Variants in PELP1 observed in about 807,000 individuals in gnomAD.
The protein encoded by PELP1 is proline, glutamate and leucine rich protein 1, also known as proline-, glutamic acid- and leucine-rich protein 1.
Under a neutral mutation model 95.5 loss-of-function variants are expected in PELP1, and 32 were observed. The ratio of observed to expected loss-of-function variants is 0.34; its 90% CI spans 0.25 to 0.45. PELP1 has a LOEUF of 0.45. Ranked by LOEUF, PELP1 falls within the 20% of genes least tolerant of loss-of-function variation. PELP1 has a pLI of 1.00. For missense variants in PELP1, 1,358 were observed against 1,444.8 expected, an observed-to-expected ratio of 0.94 and a Z score of 0.97; for synonymous variants, 668 against 600.1, an observed-to-expected ratio of 1.11 and a Z score of -1.65.
intron 3 of PELP1, among the ~76,000 whole-genome samples, chr17:4,684,128 C>G (rs1300107585): frequency 6.6e-6 from 1 of 152,066 alleles, no homozygotes; most frequent in Non-Finnish European, 1.5e-5. Flanking sequence ...TAATATGTAT[C>G]TAAGGAAAAA....
At chr17:4,700,695 C>T (rs1005928753) in intron 1 of PELP1, among the ~76,000 whole-genome samples, 1 of 151,772 alleles carries the variant, frequency 6.6e-6, no homozygotes, top group African/African-American at 2.4e-5. Context: ...GGGGCCAAGG[C>T]GGGAGTATCA....
rs201455361 is a variant in PELP1 at position 4,672,138 on chromosome 17, C to T, written c.2853G>A (p.Glu951=). ...ELEEEEEEED[E]EEEEELEEVE... is the part of the protein sequence containing the mutation. ...CCTCTTCCAGTTCTTCTTCCTCCTC[C>T]TCATCCTCCTCTTCTTCTTCTTCCT... The change falls in exon 16 of 17, where the codon GAG becomes GAA. Residue 951 remains glutamate (E), a synonymous_variant. Coordinates refer to ENST00000572293, the MANE Select transcript of PELP1 (RefSeq NM_014389.3). 2 of 1,552,302 alleles carry T rather than the reference C, an allele frequency of 1.3e-6. No individual in the cohort carries two copies. Among genetic ancestry groups the T allele is most frequent in the Non-Finnish European group, 8.7e-7 (1 of 1,147,440 alleles).
intron 1 of PELP1, among the ~76,000 whole-genome samples, chr17:4,697,894 GA>G (rs912810192): frequency 5.0e-4 from 71 of 142,152 alleles, no homozygotes; most frequent in Admixed American, 8.5e-4. Context: ...ACTACAAATG[GA>G]AAAAAAAAAA....
chr17:4,675,787 TC>T lies in PELP1; in HGVS notation c.1068+9del. On this transcript the variant is annotated intron_variant, in intron 9 of 16. Transcript: ENST00000572293. This position sits in a 1 kb window ranked among gnomAD's most constrained non-coding sequence, Gnocchi z 4.3. ...GCAAGGGCTCTGAAGAGATGACAAATCCCACTTACAATATTCTTGCTACTGA... is the reference window on the plus strand; with the variant it reads ...GCAAGGGCTCTGAAGAGATGACAAATCCACTTACAATATTCTTGCTACTGA... The T allele has an allele frequency of 6.4e-7, 1 of 1,553,212 alleles. No individual in the cohort carries two copies.
At chr17:4,696,447 G>A (rs1395704608) in intron 1 of PELP1, among the ~76,000 whole-genome samples, 2 of 152,206 alleles carry the variant, frequency 1.3e-5, no homozygotes, top group Non-Finnish European at 2.9e-5. Context: ...GTGGAGAGGA[G>A]TAACCAATGA....
In PELP1 at chr17:4,676,711, G is replaced by A. The variant is rs779008698; in HGVS notation, c.702+42C>T. 153 of 1,514,488 alleles carry A rather than the reference G, an allele frequency of 1.0e-4. 1 individual carries two copies. The highest frequency in any genetic ancestry group is 1.3e-4 in the Non-Finnish European group (147 of 1,112,242). The allele number at this position is 1,514,488 out of a possible 1,614,324, so 93.8% of individuals were successfully genotyped here. On this transcript the variant is annotated intron_variant, in intron 6 of 16. Transcript: ENST00000572293. ...GGAGGAGCAGCAAGAGACAATCCAG[G>A]CTCAGATCCCCGGGCTCTCCCTCTC...
intron 2 of PELP1, 33 bp downstream of exon 2, chr17:4,691,345 G>A (rs761341125): frequency 1.1e-5 from 16 of 1,514,292 alleles, no homozygotes; most frequent in Middle Eastern, 1.7e-4. Context: ...AAGGGAACAC[G>A]CCCCTGGAGA....
Position 4,672,361 on chromosome 17 carries a change from T to A in PELP1, c.2630A>T (p.Asp877Val), listed in dbSNP as rs773608006. Residue 877 changes from aspartate (D) to valine (V), a missense_variant, in exon 16 of 17, where the codon GAT becomes GTT. Asp to Val is a radical substitution (Grantham distance 152). Transcript: ENST00000572293. Reference protein sequence around the residue: ...GGGGPPALEEDLTVININSSD... With the variant: ...GGGGPPALEEVLTVININSSD... ...GCTGTTGATATTAATAACTGTCAAATCCTCTTCCAGGGCTGGGGGTCCTCC... is the reference window on the plus strand; with the variant it reads ...GCTGTTGATATTAATAACTGTCAAAACCTCTTCCAGGGCTGGGGGTCCTCC... The A allele has an allele frequency of 2.6e-6, 4 of 1,553,494 alleles. No individual in the cohort carries two copies. The South Asian group carries it at 4.8e-5, about 18-fold the overall frequency.
intron 3 of PELP1, among the ~76,000 whole-genome samples, chr17:4,685,695 G>A (rs1465379043): frequency 6.6e-6 from 1 of 151,454 alleles, no homozygotes; most frequent in Non-Finnish European, 1.5e-5. Flanking sequence ...GGTGGGTGCG[G>A]TGGGGGGTAC....
At position 4,703,903 on chromosome 17, in the gene PELP1, A is replaced by C. The variant is rs772363438; in HGVS notation, c.209T>G (p.Met70Arg). The stretch of plus-strand genomic sequence containing the variant: ...CGACCCATGCAGCCGCAATAGGCAC[A>C]TGAGCCCGGGCAAATGTGGGGCCGA... Reference protein sequence around the residue: ...NRSAPHLPGLMCLLRLHGSVG... With the variant: ...NRSAPHLPGLRCLLRLHGSVG... The change falls in exon 1 of 17, where the codon ATG (methionine) becomes AGG (arginine). Residue 70 changes from methionine to arginine, a missense_variant. This residue lies in a region of PELP1 where 169 missense variants were observed against 134.9 expected (regional missense o/e 1.25). Transcript: ENST00000572293. The C allele has an allele frequency of 1.2e-6, 2 of 1,613,282 alleles. No individual in the cohort carries two copies. The highest frequency in any genetic ancestry group is 1.7e-6 in the Non-Finnish European group (2 of 1,179,720).
intron 3 of PELP1, among the ~76,000 whole-genome samples, chr17:4,684,290 A>G (rs1468325341): frequency 1.3e-5 from 2 of 152,142 alleles, no homozygotes; most frequent in African/African-American, 4.8e-5. Context: ...CGCTGCTACT[A>G]AAGTTTTCTC....
chr17:4,672,474 G>A lies in PELP1; in HGVS notation c.2517C>T (p.Leu839=). The A allele has an allele frequency of 1.9e-6, 3 of 1,567,446 alleles. No individual in the cohort carries two copies. Among genetic ancestry groups the A allele is most frequent in the Non-Finnish European group, 2.6e-6 (3 of 1,157,728 alleles). Residue 839 remains leucine (L), a synonymous_variant, in exon 16 of 17, where the codon CTC becomes CTT. Coordinates refer to ENST00000572293, the MANE Select transcript of PELP1 (RefSeq NM_014389.3). ...GCGGCGGCGGAGGTGGGGGTGGCGG[G>A]AGAGGCCCTGGGGCTGCAGGAAGTT... ...PEELPAAPGP[L]PPPPPPPPPV...
chr17:4,680,382 A>G (rs1014119802), intron 5 of PELP1, among the ~76,000 whole-genome samples: 1 of 152,058 alleles, frequency 6.6e-6, no homozygotes, highest in Admixed American at 6.5e-5. Context: ...GGTCCAAGCA[A>G]TTCTCCTGCC....
rs1032659047 is a variant in PELP1 at position 4,671,100 on chromosome 17, C to T, written c.*339G>A. The T allele has an allele frequency of 6.2e-6, 2 of 322,022 alleles. No homozygotes were observed. Among genetic ancestry groups the T allele is most frequent in the African/African-American group, 2.1e-5 (1 of 46,642 alleles). The allele number at this position is 322,022 out of a possible 1,614,324, so 19.9% of individuals were successfully genotyped here. On this transcript the variant is annotated 3_prime_UTR_variant, in exon 17 of 17. Transcript: ENST00000572293. ...TGCATTCTCCACACATTTCCCACCC[C>T]GAATACAAACACGAAAGCAGGGCTG...
At position 4,673,529 on chromosome 17, in the gene PELP1, C is replaced by T. The variant is rs187862547; in HGVS notation, c.1639-73G>A. The T allele has an allele frequency of 6.2e-5, 96 of 1,560,922 alleles. No individual in the cohort carries two copies. Among genetic ancestry groups the T allele is most frequent in the Admixed American group, 3.4e-4 (20 of 59,136 alleles). ...CCTTCTCCAGAGCCTACTCCCAGGT[C>T]GGAATGGACCCACCTCTGGGCCACA... On this transcript the variant is annotated intron_variant, in intron 14 of 16. Coordinates refer to ENST00000572293, the MANE Select transcript of PELP1 (RefSeq NM_014389.3). This position sits in a 1 kb window ranked among gnomAD's most constrained non-coding sequence, Gnocchi z 5.7.
At position 4,671,754 on chromosome 17, in the gene PELP1, T is replaced by A; in HGVS notation, c.3237A>T (p.Pro1079=). 2.0e-6 allele frequency: 3 copies of A among 1,529,428 alleles called. No individual in the cohort carries two copies. Among genetic ancestry groups the A allele is most frequent in the Admixed American group, 4.5e-5 (2 of 44,380 alleles). The allele number at this position is 1,529,428 out of a possible 1,614,324, so 94.7% of individuals were successfully genotyped here. The part of the protein sequence containing the change: ...TEDGSDKVQP[P]PETPAEEEME... ...TCTCTTCTTCTGCAGGTGTCTCTGG[T>A]GGGGGCTGCACCTTGTCACTCCCAT... is the stretch of plus-strand genomic sequence containing the variant. The change falls in exon 16 of 17, where the codon CCA becomes CCT. Residue 1079 remains proline (P), a synonymous_variant. Transcript: ENST00000572293.
At chr17:4,674,453 G>A in intron 13 of PELP1, 57 bp downstream of exon 13, 1 of 1,530,620 alleles carries the variant, frequency 6.5e-7, no homozygotes, top group Non-Finnish European at 8.9e-7. Flanking sequence ...GTCCCACTAG[G>A]GGAAAGGATG....
chr17:4,688,655 T>A (rs904961077), intron 3 of PELP1, among the ~76,000 whole-genome samples: 91 of 152,092 alleles, frequency 6.0e-4, no homozygotes, highest in Admixed American at 5.8e-3. Context: ...GTGAAAGACC[T>A]CTATAAGGAA....
At chr17:4,691,480 G>A (rs768042646) in intron 1 of PELP1, 38 bp from the exon 2 acceptor site, 2 of 1,530,112 alleles carry the variant, frequency 1.3e-6, no homozygotes, top group East Asian at 2.2e-5. Flanking sequence ...TCACAAACGG[G>A]ATGTTAAAAA....
Sources: allele counts gnomAD v4.1 joint callset (sites outside exome capture counted in the v4.1 genomes callset), GRCh38; gene constraint gnomAD v4.1.1; regional missense constraint gnomAD v4.1.1; non-coding constraint Gnocchi (gnomAD v3.1); transcripts MANE v1.5; gene names NCBI Gene and HGNC (gene_info 2026-07-23, HGNC 2026-07-21).